EFHC2: variants seen among roughly 807,000 people sequenced by gnomAD.
The protein encoded by EFHC2 is EF-hand domain-containing family member C2.
EFHC2 carries 18 observed loss-of-function variants against 52.7 expected under a neutral mutation model. The ratio of observed to expected loss-of-function variants is 0.34; its 90% CI spans 0.24 to 0.51. EFHC2 has a LOEUF of 0.51. Among genes scored for constraint, EFHC2 ranks in the 20% least tolerant of loss-of-function variants. The probability of loss-of-function intolerance (pLI) is 0.97; values close to 1 mark genes in which losing one functional copy is unlikely to be tolerated. For synonymous variants in EFHC2, 203 were observed against 204.1 expected (o/e 0.99, Z 0.04); for missense variants, 513 against 562.5 (o/e 0.91, Z 0.89).
At chrX:44,157,391 C>T (rs1416029366) in intron 14 of EFHC2, among the ~76,000 whole-genome samples, 3 of 111,067 alleles carry the variant, frequency 2.7e-5, no homozygotes, top group Non-Finnish European at 3.8e-5. Context: ...CCATTTGCCC[C>T]TCAAGATCCA....
At chrX:44,310,476 T>G (rs752738426) in intron 2 of EFHC2, 1 of 632,618 alleles carries the variant, frequency 1.6e-6, no homozygotes, top group African/African-American at 2.2e-5. Context: ...ACGGAGAGCA[T>G]GGTGGTAGCG....
At chrX:44,211,752 G>T (rs1264897849) in intron 11 of EFHC2, among the ~76,000 whole-genome samples, 1 of 103,820 alleles carries the variant, frequency 9.6e-6, no homozygotes, top group East Asian at 3.1e-4. Flanking sequence ...GGCACCAGTA[G>T]TCCCAGCTAC....
intron 1 of EFHC2, among the ~76,000 whole-genome samples, chrX:44,335,033 AC>A (rs1325829600): frequency 9.0e-6 from 1 of 111,195 alleles, no homozygotes; most frequent in Non-Finnish European, 1.9e-5. Context: ...GTACTATGTA[AC>A]TATAAAAAGA....
chrX:44,210,535 G>T (rs2037087511), intron 11 of EFHC2, among the ~76,000 whole-genome samples: 1 of 112,097 alleles, frequency 8.9e-6, no homozygotes, highest in Non-Finnish European at 1.9e-5. Flanking sequence ...ATTCCTACAT[G>T]GACAACTGAT....
chrX:44,167,898 A>G (rs919867168), intron 13 of EFHC2, among the ~76,000 whole-genome samples: 9 of 111,986 alleles, frequency 8.0e-5, no homozygotes, highest in African/African-American at 2.6e-4. Context: ...AATCACAAGT[A>G]TTTCTCTCCC....
At chrX:44,238,124 C>T (rs1245687451) in intron 8 of EFHC2, among the ~76,000 whole-genome samples, 1 of 111,289 alleles carries the variant, frequency 9.0e-6, no homozygotes, top group Non-Finnish European at 1.9e-5. Flanking sequence ...CCTAAACCTA[C>T]CCTATCTCCA....
intron 14 of EFHC2, among the ~76,000 whole-genome samples, chrX:44,152,725 T>TAC (rs3037406): frequency 0.038 from 3,819 of 99,240 alleles, 139 homozygotes; most frequent in African/African-American, 0.11. Flanking sequence ...AGTAAACCAT[T>TAC]ACACACACAC....
intron 2 of EFHC2, among the ~76,000 whole-genome samples, chrX:44,300,255 T>TA (rs1376767594): frequency 9.0e-6 from 1 of 111,350 alleles, no homozygotes; most frequent in Non-Finnish European, 1.9e-5. Flanking sequence ...ATTTGTGAAC[T>TA]AAAATCTTAT....
chrX:44,222,986 A>T (rs759075098), intron 11 of EFHC2, among the ~76,000 whole-genome samples: 4 of 111,747 alleles, frequency 3.6e-5, no homozygotes, highest in Non-Finnish European at 7.5e-5. Flanking sequence ...AGATCTCCAG[A>T]TCTCCAGAAC....
chrX:44,315,896 T>C (rs1412058445), intron 1 of EFHC2, among the ~76,000 whole-genome samples: 6 of 111,530 alleles, frequency 5.4e-5, no homozygotes, highest in African/African-American at 2.0e-4. Context: ...AGGAGGACTA[T>C]ATCATGAAAA....
intron 2 of EFHC2, among the ~76,000 whole-genome samples, chrX:44,309,066 C>T (rs1356771378): frequency 8.9e-6 from 1 of 112,828 alleles, no homozygotes; most frequent in Non-Finnish European, 1.9e-5. Context: ...GGTCAACCCT[C>T]ACTTTAAAGC....
chrX:44,178,002 G>A (rs573953952), intron 12 of EFHC2, among the ~76,000 whole-genome samples: 2 of 108,557 alleles, frequency 1.8e-5, no homozygotes, highest in South Asian at 4.1e-4. Flanking sequence ...GCGGTGGTGC[G>A]AGCCTGTAGT....
chrX:44,321,584 C>T (rs1014019872), intron 1 of EFHC2, among the ~76,000 whole-genome samples: 10 of 111,462 alleles, frequency 9.0e-5, no homozygotes, highest in South Asian at 7.5e-4. Flanking sequence ...TAAAAAGGGG[C>T]AGCTGGTAAG....
At chrX:44,293,873 AC>A (rs1205463219) in intron 2 of EFHC2, among the ~76,000 whole-genome samples, 11 of 111,776 alleles carry the variant, frequency 9.8e-5, no homozygotes, top group African/African-American at 3.6e-4. Context: ...CTATCTTCAG[AC>A]CTATTTGACA....
chrX:44,335,516 G>C (rs1602222968), intron 1 of EFHC2, among the ~76,000 whole-genome samples: 1 of 111,346 alleles, frequency 9.0e-6, no homozygotes, highest in South Asian at 3.7e-4. Context: ...TACATTCCTG[G>C]TGGGATATAC....
At chrX:44,250,791 C>T (rs2037436870) in intron 4 of EFHC2, among the ~76,000 whole-genome samples, 1 of 95,678 alleles carries the variant, frequency 1.0e-5, no homozygotes, top group Non-Finnish European at 2.0e-5. Flanking sequence ...CACCACTGCG[C>T]TACAGCCTGG....
chrX:44,231,839 T>C (rs1265923906), intron 10 of EFHC2, among the ~76,000 whole-genome samples: 1 of 112,456 alleles, frequency 8.9e-6, no homozygotes, highest in Non-Finnish European at 1.9e-5. Context: ...TACACCGAAC[T>C]AGTCCACATT....
At chrX:44,309,267 A>T in intron 2 of EFHC2, 1 of 527,315 alleles carries the variant, frequency 1.9e-6, no homozygotes, top group Non-Finnish European at 3.2e-6. Flanking sequence ...GATTTTTTTT[A>T]TGAGATGGAA....
chrX:44,257,812 A>T (rs1366186727), intron 4 of EFHC2, among the ~76,000 whole-genome samples: 4 of 112,166 alleles, frequency 3.6e-5, no homozygotes, highest in Admixed American at 9.4e-5. Context: ...ACCAAAAAAG[A>T]GCTCGTATAG....
Sources: gnomAD v4.1 joint callset for allele counts (sites outside exome capture counted in the v4.1 genomes callset) on GRCh38, gnomAD v4.1.1 for gene constraint, MANE v1.5 for transcripts, NCBI Gene and HGNC (gene_info 2026-07-23, HGNC 2026-07-21) for gene names.